GCNT2: variants seen among roughly 807,000 people sequenced by gnomAD.
GCNT2 encodes glucosaminyl (N-acetyl) transferase 2 (I blood group), also known as N-acetyllactosaminide beta-1,6-N-acetylglucosaminyl-transferase.
A neutral mutation model predicts 34.2 loss-of-function variants in GCNT2; 34 were observed. The ratio of observed to expected loss-of-function variants is 1.00; its 90% CI spans 0.76 to 1.32. The LOEUF (loss-of-function observed/expected upper bound fraction) is 1.32, where lower values mean the gene tolerates loss of function less well. Among genes scored for constraint, GCNT2 ranks in the 40% most tolerant of loss-of-function variants. The probability of loss-of-function intolerance (pLI) is 0.00; values close to 1 mark genes in which losing one functional copy is unlikely to be tolerated. For synonymous variants in GCNT2, 212 were observed against 188.0 expected (o/e 1.13, Z -1.04); for missense variants, 584 against 489.4 (o/e 1.19, Z -1.82).
intron 3 of GCNT2, among the ~76,000 whole-genome samples, chr6:10,532,345 C>G (rs1019865049): frequency 6.6e-6 from 1 of 152,206 alleles, no homozygotes; most frequent in Non-Finnish European, 1.5e-5. Context: ...TCATGTTTTT[C>G]AGAAACTTAA....
chr6:10,535,117 G>A (rs941253322), intron 3 of GCNT2, among the ~76,000 whole-genome samples: 3 of 152,162 alleles, frequency 2.0e-5, no homozygotes, highest in Non-Finnish European at 4.4e-5. Context: ...CTGGGAGGCG[G>A]AGGTTGCAAT....
rs528932643 is a variant in GCNT2, at chr6:10,563,665, CCAGGAGGCGGAGCTTG to C, written c.925+33833_925+33848del. Among the ~76,000 whole-genome samples the C allele has an allele frequency of 1.8e-3, 269 of 150,730 alleles. 3 individuals are homozygous for C. Among genetic ancestry groups the C allele is most frequent in the African/African-American group, 6.3e-3 (258 of 41,130 alleles). ...GCTGAGGCAGGAGAATCGCTTGAAC[CCAGGAGGCGGAGCTTG>C]CAGTGAGCCGAGATTGTACCACTAT... is the stretch of plus-strand genomic sequence containing the variant. On this transcript the variant is annotated intron_variant, in intron 3 of 4. Coordinates refer to ENST00000495262, the MANE Select transcript of GCNT2 (RefSeq NM_145649.5).
Position 10,627,538 on chromosome 6 carries a change from T to C in GCNT2, c.*931T>C, listed in dbSNP as rs1221267423. The stretch of plus-strand genomic sequence containing the variant: ...GTAGCTTTACACTGCCTGGTACTGA[T>C]AGTAGTGGCTCGATTTTTAAGAGCC... On this transcript the variant is annotated 3_prime_UTR_variant, in exon 5 of 5. Coordinates refer to ENST00000495262, the MANE Select transcript of GCNT2 (RefSeq NM_145649.5). The C allele has an allele frequency of 6.6e-6, 1 of 152,224 alleles. No homozygotes were observed. The highest frequency in any genetic ancestry group is 2.4e-5 in the African/African-American group (1 of 41,452). The allele number at this position is 152,224 out of a possible 1,614,324, so 9.4% of individuals were successfully genotyped here.
intron 1 of GCNT2, 132 bp downstream of exon 1, chr6:10,521,549 G>A (rs549269061): frequency 2.6e-5 from 4 of 152,386 alleles, no homozygotes; most frequent in South Asian, 2.1e-4. Flanking sequence ...AATGGGCTGC[G>A]TGGATGTTTT....
intron 3 of GCNT2, among the ~76,000 whole-genome samples, chr6:10,605,152 C>CA (rs1273930389): frequency 2.1e-5 from 3 of 144,400 alleles, no homozygotes; most frequent in South Asian, 2.2e-4. Flanking sequence ...CTCTTTAAAA[C>CA]AAAAAACAAA....
chr6:10,577,156 C>T (rs1326053878), intron 3 of GCNT2, among the ~76,000 whole-genome samples: 1 of 152,236 alleles, frequency 6.6e-6, no homozygotes, highest in African/African-American at 2.4e-5. Flanking sequence ...TGACTTTGGC[C>T]TAGCAACTTT....
rs1316838274 is a variant in GCNT2 at position 10,579,473 on chromosome 6, CAT to C, written c.926-41877_926-41876del. On this transcript the variant is annotated intron_variant, in intron 3 of 4. Transcript: ENST00000495262. ...CACAGCTTTCAAGTCCTTTCATAGA[CAT>C]TAACTTGTTTGATCTCTATAAGTAC... is the stretch of plus-strand genomic sequence containing the variant. 1.4e-4 allele frequency among the ~76,000 whole-genome samples: 21 copies of C among 152,064 alleles called. 1 individual carries two copies. The highest frequency in any genetic ancestry group is 1.5e-5 in the Non-Finnish European group (1 of 68,014).
At chr6:10,573,925 C>G (rs1339501946) in intron 3 of GCNT2, among the ~76,000 whole-genome samples, 1 of 152,226 alleles carries the variant, frequency 6.6e-6, no homozygotes, top group African/African-American at 2.4e-5. Flanking sequence ...GCACACACAG[C>G]CATGCTGCTT....
chr6:10,573,041 C>T (rs1297393095), intron 3 of GCNT2: 5 of 257,528 alleles, frequency 1.9e-5, no homozygotes, highest in African/African-American at 4.6e-5. Flanking sequence ...AAAATGAGTC[C>T]AGAATTTAAT....
At chr6:10,538,412 A>G in intron 3 of GCNT2, among the ~76,000 whole-genome samples, 1 of 88,310 alleles carries the variant, frequency 1.1e-5, no homozygotes, top group Non-Finnish European at 2.2e-5. Flanking sequence ...CCGTCTCAAA[A>G]AAAAAAAAAA....
chr6:10,627,813 C>CTGTAAGTT lies in GCNT2; in HGVS notation c.*1206_*1207insTGTAAGTT, dbSNP rs1766330685. 5.9e-5 allele frequency: 9 copies of CTGTAAGTT among 152,170 alleles called. No homozygotes were observed. The highest frequency in any genetic ancestry group is 2.2e-4 in the African/African-American group (9 of 41,500). 9.4% of individuals were successfully genotyped at this position (152,170 alleles called of 1,614,324 possible). A position where few individuals can be genotyped will look rare whatever the true frequency, so the allele number is the denominator to read the frequency against. ...ACACACAGGGCTGTGTAGCATGATACCAGGCCCAGGAGATCAGTAATTACA... is the reference window on the plus strand; with the variant it reads ...ACACACAGGGCTGTGTAGCATGATACTGTAAGTTCAGGCCCAGGAGATCAGTAATTACA... On this transcript the variant is annotated 3_prime_UTR_variant, in exon 5 of 5. Transcript: ENST00000495262.
chr6:10,589,944 G>T (rs1387541509), intron 3 of GCNT2, among the ~76,000 whole-genome samples: 1 of 152,148 alleles, frequency 6.6e-6, no homozygotes, highest in Non-Finnish European at 1.5e-5. Flanking sequence ...TTACTTTGTA[G>T]TATTTTTAAA....
chr6:10,567,867 T>A lies in GCNT2; in HGVS notation c.925+38031T>A, dbSNP rs759766333. ...CGAACTCTCAGCCGAAACCTCAAGA[T>A]AATGAAAAGGTGATCACTTTGCCAA... On this transcript the variant is annotated intron_variant, in intron 3 of 4. Transcript: ENST00000495262. Among the ~76,000 whole-genome samples, 73 of 152,334 alleles carry A rather than the reference T, an allele frequency of 4.8e-4. 1 individual carries two copies. The highest frequency in any genetic ancestry group is 5.6e-4 in the Non-Finnish European group (38 of 68,026).
intron 3 of GCNT2, among the ~76,000 whole-genome samples, chr6:10,583,435 C>T (rs909962815): frequency 1.3e-5 from 2 of 152,114 alleles, no homozygotes; most frequent in African/African-American, 4.8e-5. Flanking sequence ...TAACATGCCT[C>T]GTGTGGCTGC....
At chr6:10,617,743 A>ATTTTTTTTTTTT (rs1254996839) in intron 3 of GCNT2, among the ~76,000 whole-genome samples, 12 of 112,800 alleles carry the variant, frequency 1.1e-4, no homozygotes, top group African/African-American at 2.9e-4. Context: ...CAGAGTCTGC[A>ATTTTTTTTTTTT]TTTCTTCTTT....
chr6:10,539,207 G>C (rs373280212), intron 3 of GCNT2, among the ~76,000 whole-genome samples: 1 of 7,850 alleles, frequency 1.3e-4, no homozygotes, highest in Non-Finnish European at 2.8e-4. Context: ...TTTTTTTTTT[G>C]AGGCAGAGTT....
chr6:10,553,715 G>A (rs560680039), intron 3 of GCNT2, among the ~76,000 whole-genome samples: 4 of 152,088 alleles, frequency 2.6e-5, no homozygotes, highest in Non-Finnish European at 5.9e-5. Context: ...CCAACGTGGC[G>A]AAATCCCGTC....
intron 3 of GCNT2, among the ~76,000 whole-genome samples, chr6:10,614,646 G>A (rs866422182): frequency 2.3e-4 from 28 of 123,210 alleles, no homozygotes; most frequent in African/African-American, 6.5e-4. Flanking sequence ...AAAAAAAAAA[G>A]AGAAAAAGAA....
At position 10,612,034 on chromosome 6, in the gene GCNT2, T is replaced by C. The variant is rs1765583526; in HGVS notation, c.926-9317T>C. On this transcript the variant is annotated intron_variant, in intron 3 of 4. Coordinates refer to ENST00000495262, the MANE Select transcript of GCNT2 (RefSeq NM_145649.5). ...CAGAGCCTCACTCTGTTGCCCAGGC[T>C]GAAGTGCAGTGGTGCAATCTCGGCT... Among the ~76,000 whole-genome samples the C allele has an allele frequency of 2.0e-5, 3 of 152,230 alleles. No homozygotes were observed. The South Asian group carries it at 6.2e-4, about 32-fold the overall frequency.
Sources: allele counts gnomAD v4.1 joint callset (sites outside exome capture counted in the v4.1 genomes callset), GRCh38; gene constraint gnomAD v4.1.1; transcripts MANE v1.5; gene names NCBI Gene and HGNC (gene_info 2026-07-23, HGNC 2026-07-21).